Variants in ITGA9 observed in about 807,000 individuals in gnomAD.
ITGA9 encodes integrin subunit alpha 9, also known as integrin alpha-9.
A neutral mutation model predicts 127.8 loss-of-function variants in ITGA9; 56 were observed. The ratio of observed to expected loss-of-function variants is 0.44; its 90% CI spans 0.35 to 0.55. The LOEUF (loss-of-function observed/expected upper bound fraction) is 0.55, where lower values mean the gene tolerates loss of function less well. ITGA9 is among the 20% of genes least tolerant of loss of function. The pLI is 0.00. For synonymous variants in ITGA9, 508 were observed against 514.5 expected (o/e 0.99, Z 0.17); for missense variants, 1,196 against 1,347.1 (o/e 0.89, Z 1.76).
chr3:37,744,128 A>G (rs147858662), intron 22 of ITGA9, 94 bp downstream of exon 22: 158 of 870,780 alleles, frequency 1.8e-4, no homozygotes, highest in Admixed American at 4.7e-4. Context: ...TTGTCAGGAG[A>G]AACCCTTCTG....
At chr3:37,656,209 G>GT (rs1210759814) in intron 17 of ITGA9, among the ~76,000 whole-genome samples, 2 of 152,154 alleles carry the variant, frequency 1.3e-5, no homozygotes, top group Non-Finnish European at 2.9e-5. Context: ...ATTTAAAGTA[G>GT]TTTTTTCTAA....
At chr3:37,757,755 A>T (rs542444572) in intron 23 of ITGA9, among the ~76,000 whole-genome samples, 1 of 151,990 alleles carries the variant, frequency 6.6e-6, no homozygotes, top group South Asian at 2.1e-4. Flanking sequence ...ACTATCTTAG[A>T]AAAAAATGTA....
chr3:37,558,057 T>C (rs1699447653), intron 15 of ITGA9, among the ~76,000 whole-genome samples: 1 of 152,236 alleles, frequency 6.6e-6, no homozygotes, highest in Non-Finnish European at 1.5e-5. Flanking sequence ...AGGTTTCTCC[T>C]GGTCTTGGAC....
chr3:37,516,111 T>G (rs1268338795), intron 9 of ITGA9, among the ~76,000 whole-genome samples: 2 of 152,150 alleles, frequency 1.3e-5, no homozygotes, highest in African/African-American at 2.4e-5. Flanking sequence ...ACAGCCAGAC[T>G]GTGTGTCTAA....
chr3:37,567,193 C>T (rs1032830641), intron 15 of ITGA9, among the ~76,000 whole-genome samples: 11 of 152,272 alleles, frequency 7.2e-5, no homozygotes, highest in African/African-American at 2.2e-4. Context: ...GCGAAAGGCA[C>T]GTCTTACATG....
chr3:37,489,231 G>A (rs1489883836), intron 4 of ITGA9, among the ~76,000 whole-genome samples: 3 of 152,176 alleles, frequency 2.0e-5, no homozygotes, highest in Non-Finnish European at 4.4e-5. Flanking sequence ...CTATTCATCT[G>A]TTTATAAAAC....
At chr3:37,757,060 AG>A in intron 23 of ITGA9, among the ~76,000 whole-genome samples, 1 of 152,026 alleles carries the variant, frequency 6.6e-6, no homozygotes, top group East Asian at 1.9e-4. Context: ...TGTGGAAAAT[AG>A]GGAAGACTGA....
At chr3:37,577,819 C>T (rs1423750462) in intron 15 of ITGA9, among the ~76,000 whole-genome samples, 5 of 152,176 alleles carry the variant, frequency 3.3e-5, no homozygotes, top group African/African-American at 1.2e-4. Flanking sequence ...GAAACAGAAA[C>T]ACATTTTTAT....
chr3:37,632,681 G>A (rs925997415), intron 16 of ITGA9, among the ~76,000 whole-genome samples: 1 of 152,130 alleles, frequency 6.6e-6, no homozygotes, highest in Non-Finnish European at 1.5e-5. Flanking sequence ...AAGACAAAGG[G>A]AAAATTCTAA....
chr3:37,573,581 G>C (rs540661881), intron 15 of ITGA9, among the ~76,000 whole-genome samples: 30 of 151,606 alleles, frequency 2.0e-4, no homozygotes, highest in Non-Finnish European at 3.1e-4. Context: ...GAACACCTAC[G>C]TGTGGCCTCT....
chr3:37,533,552 T>G, intron 14 of ITGA9, 84 bp downstream of exon 14: 1 of 1,402,242 alleles, frequency 7.1e-7, no homozygotes, highest in Non-Finnish European at 9.9e-7. Context: ...CCTGTCGCTG[T>G]TCCTCCCAGC....
intron 26 of ITGA9, among the ~76,000 whole-genome samples, chr3:37,792,732 G>A (rs1456486130): frequency 6.6e-6 from 1 of 152,236 alleles, no homozygotes; most frequent in Non-Finnish European, 1.5e-5. Flanking sequence ...AGGCCACTGT[G>A]TGGATGGTGG....
Position 37,814,069 on chromosome 3 carries a change from T to C in ITGA9, c.3010-4822T>C, listed in dbSNP as rs1314590435. On this transcript the variant is annotated intron_variant, in intron 27 of 27. Transcript: ENST00000264741. This position sits in a 1 kb window ranked among gnomAD's most constrained non-coding sequence, Gnocchi z 4.3. ...ATTTCTCAAAAATCTTTGAGAAAAA[T>C]TGAGATGGGACAAAGACTCTGTGCC... 6.6e-6 allele frequency among the ~76,000 whole-genome samples: 1 copy of C among 152,116 alleles called. No individual in the cohort carries two copies. The highest frequency in any genetic ancestry group is 1.5e-5 in the Non-Finnish European group (1 of 67,998).
At chr3:37,566,709 G>A (rs2125602647) in intron 15 of ITGA9, among the ~76,000 whole-genome samples, 1 of 152,180 alleles carries the variant, frequency 6.6e-6, no homozygotes, top group Non-Finnish European at 1.5e-5. Flanking sequence ...CATTGCCTCT[G>A]GCTTGTGGCT....
chr3:37,602,043 C>A (rs558182890), intron 15 of ITGA9, among the ~76,000 whole-genome samples: 162 of 152,230 alleles, frequency 1.1e-3, no homozygotes, highest in Non-Finnish European at 1.6e-3. Context: ...AGAACTGACT[C>A]ACTACCTAGA....
At chr3:37,589,851 C>T (rs1434156554) in intron 15 of ITGA9, among the ~76,000 whole-genome samples, 1 of 151,996 alleles carries the variant, frequency 6.6e-6, no homozygotes. Flanking sequence ...AAGGACTTGG[C>T]TTTTACTCAT....
intron 5 of ITGA9, 115 bp downstream of exon 5, chr3:37,494,683 C>T (rs1698708743): frequency 1.6e-5 from 13 of 837,952 alleles, no homozygotes; most frequent in Admixed American, 1.0e-4. Context: ...ACTTGAGCCT[C>T]GAGGGAGCAG....
At chr3:37,596,278 A>AGTTTTGGAC (rs879783948) in intron 15 of ITGA9, among the ~76,000 whole-genome samples, 67,262 of 151,686 alleles carry the variant, frequency 0.44, 15,411 homozygotes, top group East Asian at 0.6. Context: ...GAGAAAGGCT[A>AGTTTTGGAC]CAACTCAGTT....
At chr3:37,711,103 C>T (rs1701075117) in intron 18 of ITGA9, among the ~76,000 whole-genome samples, 1 of 152,196 alleles carries the variant, frequency 6.6e-6, no homozygotes, top group Non-Finnish European at 1.5e-5. Flanking sequence ...ATCTGCTTCC[C>T]TTGTGGCCCC....
Sources: allele counts gnomAD v4.1 joint callset (sites outside exome capture counted in the v4.1 genomes callset), GRCh38; gene constraint gnomAD v4.1.1; non-coding constraint Gnocchi (gnomAD v3.1); transcripts MANE v1.5; gene names NCBI Gene and HGNC (gene_info 2026-07-23, HGNC 2026-07-21).